Variants in NUFIP1 observed in about 807,000 individuals in gnomAD.
NUFIP1 encodes the protein nuclear FMR1 interacting protein 1.
NUFIP1 carries 38 observed loss-of-function variants against 56.2 expected under a neutral mutation model. The ratio of observed to expected loss-of-function variants is 0.68; its 90% confidence interval spans 0.52 to 0.89. The LOEUF is 0.89. NUFIP1 is among the 40% of genes least tolerant of loss of function. The pLI is 0.00. For missense variants in NUFIP1, 567 were observed against 605.8 expected (o/e 0.94, Z 0.67); for synonymous variants, 215 against 212.4 (o/e 1.01, Z -0.10).
intron 1 of NUFIP1, among the ~76,000 whole-genome samples, chr13:44,988,365 A>G (rs1872504542): frequency 6.6e-6 from 1 of 152,184 alleles, no homozygotes; most frequent in African/African-American, 2.4e-5. Flanking sequence ...GGTTGCAGTG[A>G]GCCTCTCTGC....
chr13:44,949,181 A>C (rs1426927481), intron 8 of NUFIP1, among the ~76,000 whole-genome samples: 2 of 138,856 alleles, frequency 1.4e-5, no homozygotes, highest in Admixed American at 7.2e-5. Context: ...TTTCCTTCCT[A>C]TTCTTTCATT....
intron 3 of NUFIP1, 139 bp downstream of exon 3, chr13:44,980,583 C>T: frequency 3.1e-6 from 2 of 651,990 alleles, no homozygotes; most frequent in East Asian, 3.0e-5. Flanking sequence ...GGTCACTGCC[C>T]CTATCTGTCA....
chr13:44,987,249 G>A (rs1046149788), intron 1 of NUFIP1, among the ~76,000 whole-genome samples: 11 of 152,040 alleles, frequency 7.2e-5, no homozygotes, highest in African/African-American at 2.7e-4. Context: ...ATGGTGGCGG[G>A]CACCTGTAGT....
Position 44,989,008 on chromosome 13 carries a change from G to A in NUFIP1, c.412+17C>T, listed in dbSNP as rs758950676. 6 of 1,612,718 alleles carry A rather than the reference G, an allele frequency of 3.7e-6. No homozygotes were observed. In the East Asian group the frequency reaches 6.7e-5, roughly 18 times the overall value. On this transcript the variant is annotated intron_variant, in intron 1 of 9. Coordinates refer to ENST00000379161, the MANE Select transcript of NUFIP1 (RefSeq NM_012345.3). The stretch of plus-strand genomic sequence containing the variant: ...GAAAAAGGTAAAGGGGTCGACTCAC[G>A]TGGAAAAATAGCCTACCTGCAGGGT...
intron 7 of NUFIP1, among the ~76,000 whole-genome samples, chr13:44,954,676 T>C (rs1871170672): frequency 6.6e-6 from 1 of 152,180 alleles, no homozygotes. Context: ...AGCACAATTA[T>C]ATGCTCTAGC....
chr13:44,950,167 A>G (rs1871042288), intron 7 of NUFIP1, among the ~76,000 whole-genome samples: 1 of 152,226 alleles, frequency 6.6e-6, no homozygotes, highest in African/African-American at 2.4e-5. Flanking sequence ...GGTAGTAGGA[A>G]GACCCAAACT....
rs561165414 is a variant in NUFIP1, at chr13:44,945,690, T to C, written c.1139-2016A>G. 3.9e-5 allele frequency among the ~76,000 whole-genome samples: 6 copies of C among 152,172 alleles called. No homozygotes were observed. In the East Asian group the frequency reaches 7.7e-4, roughly 20 times the overall value. The stretch of plus-strand genomic sequence containing the variant: ...TGAAAATCAATTGACATTTCACCAT[T>C]ATTAACAGAATAAAGGAGAAAAACC... On this transcript the variant is annotated intron_variant, in intron 8 of 9. Transcript: ENST00000379161.
At chr13:44,982,431 G>A (rs528075647) in intron 1 of NUFIP1, among the ~76,000 whole-genome samples, 2 of 152,164 alleles carry the variant, frequency 1.3e-5, no homozygotes, top group East Asian at 1.9e-4. Flanking sequence ...AAATTCCTTC[G>A]GTTATTTCAA....
At chr13:44,973,725 C>G (rs1160752137) in intron 5 of NUFIP1, among the ~76,000 whole-genome samples, 7 of 152,110 alleles carry the variant, frequency 4.6e-5, no homozygotes, top group Non-Finnish European at 8.8e-5. Context: ...TTTCTCTAGG[C>G]AGATGAGAAA....
At chr13:44,979,818 A>G (rs150013666) in intron 4 of NUFIP1, 72 bp downstream of exon 4, 78 of 1,097,664 alleles carry the variant, frequency 7.1e-5, no homozygotes, top group African/African-American at 5.1e-4. Context: ...GTATATAAAT[A>G]AACAGTTGTG....
At chr13:44,950,704 T>C (rs1015633997) in intron 7 of NUFIP1, among the ~76,000 whole-genome samples, 2 of 152,114 alleles carry the variant, frequency 1.3e-5, no homozygotes, top group African/African-American at 4.8e-5. Context: ...AAGGCAACCA[T>C]GAGAATTTAC....
At position 44,941,143 on chromosome 13, in the gene NUFIP1, C is replaced by T; in HGVS notation, c.*63G>A. The T allele has an allele frequency of 2.4e-6, 2 of 816,328 alleles. No individual in the cohort carries two copies. Among genetic ancestry groups the T allele is most frequent in the Non-Finnish European group, 4.0e-6 (2 of 505,948 alleles). The allele number at this position is 816,328 out of a possible 1,614,324, so 50.6% of individuals were successfully genotyped here. The stretch of plus-strand genomic sequence containing the variant: ...GACGGAAAAAAGGGTTTTGGTTTTC[C>T]TCTACTAACGAGGATGATACTGTTT... On this transcript the variant is annotated 3_prime_UTR_variant, in exon 10 of 10. Transcript: ENST00000379161.
intron 7 of NUFIP1, among the ~76,000 whole-genome samples, chr13:44,953,269 T>G: frequency 6.6e-6 from 1 of 152,228 alleles, no homozygotes; most frequent in Admixed American, 6.5e-5. Context: ...TAATAATTAT[T>G]ATAATTAATA....
chr13:44,984,689 TCAG>T (rs1872319875), intron 1 of NUFIP1, among the ~76,000 whole-genome samples: 1 of 152,086 alleles, frequency 6.6e-6, no homozygotes, highest in Non-Finnish European at 1.5e-5. Context: ...TTGTTCAGAT[TCAG>T]TTTAATGCAG....
intron 1 of NUFIP1, among the ~76,000 whole-genome samples, chr13:44,983,390 T>C (rs1306931339): frequency 6.6e-6 from 1 of 151,934 alleles, no homozygotes; most frequent in Non-Finnish European, 1.5e-5. Context: ...TTGGCCAGGC[T>C]GGTCTCGAAC....
chr13:44,959,453 A>C lies in NUFIP1; in HGVS notation c.949T>G (p.Cys317Gly). The change falls in exon 7 of 10, where the codon TGT becomes GGT. Residue 317 changes from cysteine to glycine, a missense_variant. By Grantham distance (159) the Cys-to-Gly change is radical. Transcript: ENST00000379161. ...GGTGGACCTTCTAGCTTCAAATCAC[A>C]CAAGTGACTGCCTGATCCAGTGACT... ...RAVTGSGSHL[C>G]DLKLEGPPEA... is the part of the protein sequence containing the mutation. 1 of 1,614,140 alleles carries C rather than the reference A, an allele frequency of 6.2e-7. No individual in the cohort carries two copies. Among genetic ancestry groups the C allele is most frequent in the East Asian group, 2.2e-5 (1 of 44,892 alleles).
At chr13:44,972,455 A>C (rs1871837129) in intron 5 of NUFIP1, among the ~76,000 whole-genome samples, 1 of 152,258 alleles carries the variant, frequency 6.6e-6, no homozygotes, top group Non-Finnish European at 1.5e-5. Flanking sequence ...AAAAGTATGA[A>C]TATAAGAACA....
chr13:44,954,877 C>T (rs777241294), intron 7 of NUFIP1, among the ~76,000 whole-genome samples: 7 of 152,154 alleles, frequency 4.6e-5, no homozygotes, highest in Admixed American at 1.3e-4. Context: ...ACCTAGGTTA[C>T]GTGAGTGCAT....
chr13:44,944,875 A>T (rs911144040), intron 8 of NUFIP1, among the ~76,000 whole-genome samples: 1 of 152,084 alleles, frequency 6.6e-6, no homozygotes, highest in African/African-American at 2.4e-5. Flanking sequence ...TGAAAACATA[A>T]TGTATCATAT....
Sources: allele counts gnomAD v4.1 joint callset (sites outside exome capture counted in the v4.1 genomes callset), GRCh38; gene constraint gnomAD v4.1.1; transcripts MANE v1.5; gene names NCBI Gene and HGNC (gene_info 2026-07-23, HGNC 2026-07-21).